MYH10: variants seen among roughly 807,000 people sequenced by gnomAD.
MYH10 encodes the protein myosin-10.
MYH10 carries 55 observed loss-of-function variants against 257.8 expected under a neutral mutation model. The ratio of observed to expected loss-of-function variants is 0.21; its 90% CI spans 0.17 to 0.27. MYH10 has a LOEUF of 0.27. Ranked by LOEUF, MYH10 falls within the 10% of genes least tolerant of loss-of-function variation. The probability of loss-of-function intolerance (pLI) is 1.00; values close to 1 mark genes in which losing one functional copy is unlikely to be tolerated. For synonymous variants in MYH10, 854 were observed against 921.7 expected (o/e 0.93, Z 1.33); for missense variants, 1,631 against 2,500.6 (o/e 0.65, Z 7.42).
chr17:8,558,637 T>C (rs11651070), intron 7 of MYH10, among the ~76,000 whole-genome samples: 76,690 of 152,108 alleles, frequency 0.5, 20,305 homozygotes, highest in Middle Eastern at 0.62. Context: ...CTATTCGAGA[T>C]AGCAACTGTA....
chr17:8,526,977 A>G (rs952137738), intron 17 of MYH10, among the ~76,000 whole-genome samples: 20 of 152,248 alleles, frequency 1.3e-4, no homozygotes, highest in African/African-American at 4.3e-4. Flanking sequence ...AAAGGTATCC[A>G]GTGCCCAGCA....
chr17:8,577,688 T>A (rs769453378), intron 4 of MYH10, among the ~76,000 whole-genome samples: 5 of 152,112 alleles, frequency 3.3e-5, no homozygotes, highest in African/African-American at 1.2e-4. Flanking sequence ...CACACCACCA[T>A]GCCCGGCTAA....
At chr17:8,553,825 A>G in intron 8 of MYH10, 130 bp downstream of exon 8, 2 of 705,376 alleles carry the variant, frequency 2.8e-6, no homozygotes, top group South Asian at 1.7e-5. Flanking sequence ...TATTTGAACA[A>G]GGCATGCTAT....
chr17:8,505,280 G>C (rs538661256), intron 27 of MYH10, among the ~76,000 whole-genome samples: 1 of 152,362 alleles, frequency 6.6e-6, no homozygotes, highest in South Asian at 2.1e-4. Flanking sequence ...CTATGAAGGA[G>C]TGACCTCCTC....
rs559901615 is a variant in MYH10 at position 8,577,109 on chromosome 17, G to A, written c.633+127C>T. 4.5e-5 allele frequency: 28 copies of A among 626,532 alleles called. No homozygotes were observed. The African/African-American group carries it at 4.5e-4, about 10-fold the overall frequency. The allele number at this position is 626,532 out of a possible 1,614,324, so 38.8% of individuals were successfully genotyped here. A position where few individuals can be genotyped will look rare whatever the true frequency, so the allele number is the denominator to read the frequency against. On this transcript the variant is annotated intron_variant, in intron 5 of 42. Transcript: ENST00000360416. ...AAAAAAGCATTGCTGGGTAGGTGGCGGGGAGCAGGTGGAGACAAGGGAGCT... is the reference window on the plus strand; with the variant it reads ...AAAAAAGCATTGCTGGGTAGGTGGCAGGGAGCAGGTGGAGACAAGGGAGCT...
chr17:8,567,586 T>A (rs1428707737), intron 7 of MYH10, among the ~76,000 whole-genome samples: 2 of 151,860 alleles, frequency 1.3e-5, no homozygotes, highest in Non-Finnish European at 2.9e-5. Context: ...TAAAAAAGGG[T>A]CATTAGGGTG....
chr17:8,523,366 A>T (rs1346275368), intron 17 of MYH10, among the ~76,000 whole-genome samples: 1 of 152,252 alleles, frequency 6.6e-6, no homozygotes, highest in Non-Finnish European at 1.5e-5. Context: ...AACATTAAAT[A>T]TCTTTGTAAT....
At chr17:8,614,297 C>A (rs1453499145) in intron 2 of MYH10, among the ~76,000 whole-genome samples, 2 of 139,286 alleles carry the variant, frequency 1.4e-5, no homozygotes, top group Admixed American at 7.3e-5. Flanking sequence ...AGAAAGTAAG[C>A]AATTCACTTC....
intron 40 of MYH10, 124 bp downstream of exon 40, chr17:8,479,986 C>T: frequency 2.3e-6 from 2 of 878,730 alleles, no homozygotes; most frequent in Non-Finnish European, 3.5e-6. Flanking sequence ...CTTCTGTGTC[C>T]CACTCTGGTT....
chr17:8,517,191 TTC>T (rs2081500637), intron 21 of MYH10, among the ~76,000 whole-genome samples: 1 of 152,142 alleles, frequency 6.6e-6, no homozygotes, highest in Admixed American at 6.5e-5. Context: ...TGCCAAATGT[TTC>T]TTAGTATCAA....
chr17:8,508,813 C>G (rs974635384), intron 25 of MYH10, 136 bp from the exon 26 acceptor site: 5 of 974,352 alleles, frequency 5.1e-6, no homozygotes, highest in African/African-American at 1.6e-5. Context: ...AGACTGTACA[C>G]AATCACATGC....
intron 13 of MYH10, among the ~76,000 whole-genome samples, chr17:8,544,319 T>G (rs1174126126): frequency 1.3e-5 from 2 of 152,204 alleles, no homozygotes; most frequent in African/African-American, 4.8e-5. Flanking sequence ...CACTGTAAAG[T>G]TGCCTTCATT....
rs1297401079 is a variant in MYH10, at chr17:8,480,408, A to G, written c.5382T>C (p.Thr1794=). ...ELLNDRFRKT[T]LQVDTLNAEL... ...GGGCTCCTGCATGGGCCACCTGTAG[A>G]GTGGTCTTGCGGAAGCGGTCGTTGA... is the stretch of plus-strand genomic sequence containing the variant. Residue 1794 remains threonine (T), a synonymous_variant, in exon 39 of 43, where the codon ACT becomes ACC. Transcript: ENST00000360416. 6.2e-7 allele frequency: 1 copy of G among 1,613,442 alleles called. No homozygotes were observed. Among genetic ancestry groups the G allele is most frequent in the East Asian group, 2.2e-5 (1 of 44,876 alleles).
intron 4 of MYH10, among the ~76,000 whole-genome samples, chr17:8,581,293 T>C (rs961293483): frequency 5.9e-5 from 9 of 152,342 alleles, no homozygotes; most frequent in South Asian, 2.1e-4. Flanking sequence ...AGTGTTTCCA[T>C]ATTAATCGTG....
chr17:8,576,550 A>C (rs1597872429), intron 6 of MYH10, 93 bp downstream of exon 6: 1 of 1,233,280 alleles, frequency 8.1e-7, no homozygotes, highest in Non-Finnish European at 1.2e-6. Flanking sequence ...TTTCACTTAG[A>C]ACTAGTGGCA....
At chr17:8,615,042 C>T (rs918777186) in intron 2 of MYH10, among the ~76,000 whole-genome samples, 5 of 151,994 alleles carry the variant, frequency 3.3e-5, no homozygotes, top group African/African-American at 1.2e-4. Context: ...GCCTGTAATC[C>T]CAACACTTTG....
chr17:8,522,122 AAATG>A (rs2081674617), intron 17 of MYH10, among the ~76,000 whole-genome samples: 1 of 152,256 alleles, frequency 6.6e-6, no homozygotes, highest in African/African-American at 2.4e-5. Context: ...AAAAGAAGTT[AAATG>A]AATGAAACAC....
At chr17:8,538,359 C>T (rs7208600) in intron 14 of MYH10, among the ~76,000 whole-genome samples, 127 of 152,276 alleles carry the variant, frequency 8.3e-4, no homozygotes, top group African/African-American at 2.5e-3. Flanking sequence ...ACAACCGCCA[C>T]GACGCCTGGC....
chr17:8,484,478 T>C (rs1377312084), intron 36 of MYH10, among the ~76,000 whole-genome samples: 2 of 152,146 alleles, frequency 1.3e-5, no homozygotes, highest in Admixed American at 6.5e-5. Context: ...ATAAAAGTAA[T>C]ATACATTCAT....
Sources: allele counts gnomAD v4.1 joint callset (sites outside exome capture counted in the v4.1 genomes callset), GRCh38; gene constraint gnomAD v4.1.1; transcripts MANE v1.5; gene names NCBI Gene and HGNC (gene_info 2026-07-23, HGNC 2026-07-21).